ZNF804A: variants seen among roughly 807,000 people sequenced by gnomAD.
ZNF804A encodes the protein zinc finger protein 804A.
Under a neutral mutation model 16.5 loss-of-function variants are expected in ZNF804A, and 2 were observed. That is an observed-to-expected ratio of 0.12 (90% CI 0.05 to 0.38). The LOEUF is 0.38. Among genes scored for constraint, ZNF804A ranks in the 10% least tolerant of loss-of-function variants. The pLI, the probability that ZNF804A is intolerant of heterozygous loss-of-function variation, is 0.99. For synonymous variants in ZNF804A, 534 were observed against 489.6 expected (o/e 1.09, Z -1.20); for missense variants, 1,473 against 1,390.7 (o/e 1.06, Z -0.94).
chr2:184,770,623 A>C (rs1257085732), intron 1 of ZNF804A, among the ~76,000 whole-genome samples: 2 of 152,056 alleles, frequency 1.3e-5, no homozygotes, highest in East Asian at 3.9e-4. Flanking sequence ...TCTCAAAAAG[A>C]AAATGTTGGT....
intron 1 of ZNF804A, among the ~76,000 whole-genome samples, chr2:184,675,144 A>G (rs1011845978): frequency 1.3e-5 from 2 of 151,848 alleles, no homozygotes; most frequent in African/African-American, 4.8e-5. Context: ...GTATATATAG[A>G]TGTAGATGCA....
In ZNF804A at chr2:184,881,181, C is replaced by T. The variant is rs140051107; in HGVS notation, c.255+14669C>T. Among the ~76,000 whole-genome samples, 326 of 152,012 alleles carry T rather than the reference C, an allele frequency of 2.1e-3. 1 individual carries two copies. Among genetic ancestry groups the T allele is most frequent in the Middle Eastern group, 6.8e-3 (2 of 294 alleles). On this transcript the variant is annotated intron_variant, in intron 2 of 3. Transcript: ENST00000302277. ...AGGAAGGAATCTCAGAGCTTGAAGG[C>T]CTACTCCCCGAATTAACTCAGTCAG... is the stretch of plus-strand genomic sequence containing the variant.
intron 2 of ZNF804A, among the ~76,000 whole-genome samples, chr2:184,907,239 GA>G (rs895791797): frequency 2.0e-5 from 3 of 152,058 alleles, no homozygotes; most frequent in Admixed American, 2.0e-4. Context: ...CACAGCAGTA[GA>G]AAACTAGCAC....
In ZNF804A at chr2:184,754,046, G is replaced by A. The variant is rs146028455; in HGVS notation, c.112-112323G>A. ...TCTCTATCTCCATATCTGTATTTATGATCTGAAAATAAAATTAAATATAGC... is the reference window on the plus strand; with the variant it reads ...TCTCTATCTCCATATCTGTATTTATAATCTGAAAATAAAATTAAATATAGC... On this transcript the variant is annotated intron_variant, in intron 1 of 3. Coordinates refer to ENST00000302277, the MANE Select transcript of ZNF804A (RefSeq NM_194250.2). 7.5e-3 allele frequency among the ~76,000 whole-genome samples: 1,144 copies of A among 151,552 alleles called. 15 individuals are homozygous for A. Among genetic ancestry groups the A allele is most frequent in the African/African-American group, 0.026 (1,094 of 41,368 alleles).
intron 1 of ZNF804A, among the ~76,000 whole-genome samples, chr2:184,817,706 A>G (rs928372965): frequency 6.6e-6 from 1 of 152,020 alleles, no homozygotes; most frequent in Non-Finnish European, 1.5e-5. Context: ...TTTAGAGAGG[A>G]GCATAACTGA....
chr2:184,760,728 G>A (rs1694027369), intron 1 of ZNF804A, among the ~76,000 whole-genome samples: 1 of 152,070 alleles, frequency 6.6e-6, no homozygotes, highest in African/African-American at 2.4e-5. Context: ...AAAGATGATT[G>A]GGGATAAATA....
At chr2:184,899,709 T>A (rs975356422) in intron 2 of ZNF804A, among the ~76,000 whole-genome samples, 3 of 151,958 alleles carry the variant, frequency 2.0e-5, no homozygotes, top group Admixed American at 2.0e-4. Flanking sequence ...TACATCTTTA[T>A]ACTTATTATT....
At chr2:184,866,760 T>C (rs1178907692) in intron 2 of ZNF804A, among the ~76,000 whole-genome samples, 1 of 151,548 alleles carries the variant, frequency 6.6e-6, no homozygotes, top group Non-Finnish European at 1.5e-5. Context: ...AATTGCCTTT[T>C]AATGAGTAAA....
At chr2:184,603,826 T>C (rs532486630) in intron 1 of ZNF804A, among the ~76,000 whole-genome samples, 2 of 152,194 alleles carry the variant, frequency 1.3e-5, no homozygotes, top group Non-Finnish European at 2.9e-5. Flanking sequence ...AAGACCATCT[T>C]GTGTTTCAAT....
intron 1 of ZNF804A, among the ~76,000 whole-genome samples, chr2:184,681,268 T>C (rs1262389246): frequency 6.6e-6 from 1 of 151,806 alleles, no homozygotes; most frequent in Non-Finnish European, 1.5e-5. Context: ...AGGAGAGACT[T>C]CAAGAGCCTA....
intron 2 of ZNF804A, among the ~76,000 whole-genome samples, chr2:184,898,507 G>A (rs1264070219): frequency 1.3e-5 from 2 of 151,996 alleles, no homozygotes; most frequent in Admixed American, 1.3e-4. Flanking sequence ...GCCTGGGGAC[G>A]TGATAAAGCA....
chr2:184,860,121 A>T (rs909767330), intron 1 of ZNF804A, among the ~76,000 whole-genome samples: 2 of 152,144 alleles, frequency 1.3e-5, no homozygotes, highest in Non-Finnish European at 1.5e-5. Context: ...GTGCCTTGGC[A>T]CTGGAGTATA....
At chr2:184,762,406 A>C (rs1694052655) in intron 1 of ZNF804A, among the ~76,000 whole-genome samples, 1 of 151,964 alleles carries the variant, frequency 6.6e-6, no homozygotes, top group African/African-American at 2.4e-5. Flanking sequence ...AGAAAAATTT[A>C]TCAAGTGTAT....
intron 1 of ZNF804A, among the ~76,000 whole-genome samples, chr2:184,674,832 G>A (rs2105714907): frequency 6.6e-6 from 1 of 151,812 alleles, no homozygotes; most frequent in Non-Finnish European, 1.5e-5. Flanking sequence ...ACAACTCACT[G>A]TTAAAAAAAG....
At chr2:184,911,938 T>C (rs1685366113) in intron 2 of ZNF804A, among the ~76,000 whole-genome samples, 1 of 151,964 alleles carries the variant, frequency 6.6e-6, no homozygotes, top group South Asian at 2.1e-4. Context: ...TTTTTACTGA[T>C]TAAAAATACT....
chr2:184,754,242 T>C (rs1321928087), intron 1 of ZNF804A, among the ~76,000 whole-genome samples: 1 of 151,868 alleles, frequency 6.6e-6, no homozygotes, highest in African/African-American at 2.4e-5. Context: ...TATTGTGCAG[T>C]TTAGTTATAA....
intron 1 of ZNF804A, among the ~76,000 whole-genome samples, chr2:184,636,661 T>C (rs1691704583): frequency 6.6e-6 from 1 of 151,958 alleles, no homozygotes; most frequent in African/African-American, 2.4e-5. Context: ...CACTGTTTTT[T>C]TCTTTATTAT....
chr2:184,687,550 T>G (rs1692656654), intron 1 of ZNF804A, among the ~76,000 whole-genome samples: 1 of 152,186 alleles, frequency 6.6e-6, no homozygotes, highest in African/African-American at 2.4e-5. Context: ...GGACTAAAAT[T>G]CACTACCATG....
chr2:184,833,611 A>G (rs1296785135), intron 1 of ZNF804A, among the ~76,000 whole-genome samples: 2 of 152,060 alleles, frequency 1.3e-5, no homozygotes, highest in Non-Finnish European at 1.5e-5. Flanking sequence ...ATATATTTCT[A>G]GTTTATTTGT....
Sources: allele counts gnomAD v4.1 joint callset (sites outside exome capture counted in the v4.1 genomes callset), GRCh38; gene constraint gnomAD v4.1.1; transcripts MANE v1.5; gene names NCBI Gene and HGNC (gene_info 2026-07-23, HGNC 2026-07-21).